Variants in RP1 observed in about 807,000 individuals in gnomAD.
RP1 encodes the protein RP1 axonemal microtubule associated.
In RP1, 16 loss-of-function variants were observed where a neutral mutation model predicts 14.8. That is an observed-to-expected ratio of 1.08 (90% CI 0.73 to 1.65). The LOEUF is 1.65. RP1 is among the 40% of genes most tolerant of loss of function. The probability of loss-of-function intolerance (pLI) is 0.00; values close to 1 mark genes in which losing one functional copy is unlikely to be tolerated. For missense variants in RP1, 2,631 were observed against 2,535.0 expected (o/e 1.04, Z -0.81); for synonymous variants, 876 against 883.6 (o/e 0.99, Z 0.15).
intron 15 of RP1, among the ~76,000 whole-genome samples, chr8:54,715,892 G>A (rs544774481): frequency 9.2e-5 from 14 of 152,278 alleles, no homozygotes; most frequent in Admixed American, 6.5e-5. Context: ...AAAGAAGAAC[G>A]TAAACAGACA....
chr8:54,663,663 G>T, intron 6 of RP1: 1 of 1,496,282 alleles, frequency 6.7e-7, no homozygotes, highest in Non-Finnish European at 8.8e-7. Context: ...TATGAGTACT[G>T]CTTGGCACTG....
At chr8:54,860,726 A>T (rs143912544) in intron 27 of RP1, among the ~76,000 whole-genome samples, 1 of 152,360 alleles carries the variant, frequency 6.6e-6, no homozygotes, top group Non-Finnish European at 1.5e-5. Context: ...AGTGAGATGC[A>T]TGGGGTGTCT....
At chr8:54,678,652 A>C in intron 9 of RP1, 1 of 716,874 alleles carries the variant, frequency 1.4e-6, no homozygotes, top group Non-Finnish European at 2.2e-6. Flanking sequence ...TTGTTGGGTA[A>C]CTTTTGTGAA....
At chr8:54,761,190 C>A (rs982351593) in intron 22 of RP1, among the ~76,000 whole-genome samples, 1 of 150,514 alleles carries the variant, frequency 6.6e-6, no homozygotes, top group Non-Finnish European at 1.5e-5. Flanking sequence ...CATGTCTACA[C>A]ATACATTTCA....
At chr8:54,810,417 T>G (rs1038489081) in intron 24 of RP1, among the ~76,000 whole-genome samples, 19 of 152,200 alleles carry the variant, frequency 1.2e-4, no homozygotes, top group African/African-American at 4.6e-4. Flanking sequence ...CCACTCTATC[T>G]TTTGCTTCTT....
At chr8:54,617,177 A>C (rs1326129311) in intron 1 of RP1, among the ~76,000 whole-genome samples, 1 of 152,218 alleles carries the variant, frequency 6.6e-6, no homozygotes, top group Non-Finnish European at 1.5e-5. Flanking sequence ...GTCACTGGTG[A>C]AGAAACTGGA....
At chr8:54,863,061 A>ATATATG (rs1010718174) in intron 27 of RP1, among the ~76,000 whole-genome samples, 1 of 142,974 alleles carries the variant, frequency 7.0e-6, no homozygotes, top group African/African-American at 2.6e-5. Context: ...ATATATATAT[A>ATATATG]TATATATATA....
chr8:54,807,229 T>C (rs1427460368), intron 24 of RP1, among the ~76,000 whole-genome samples: 1 of 152,222 alleles, frequency 6.6e-6, no homozygotes, highest in African/African-American at 2.4e-5. Context: ...TTTCATTATA[T>C]ATTGTTTGAA....
At chr8:54,857,080 T>C in exon 27 of RP1, 1 of 1,222,210 alleles carries the variant, frequency 8.2e-7, no homozygotes, top group Non-Finnish European at 1.0e-6. Flanking sequence ...AAGAAAGTTC[T>C]GATTAGTCAT....
intron 6 of RP1, among the ~76,000 whole-genome samples, chr8:54,659,902 T>C (rs190362529): frequency 1.3e-5 from 2 of 152,340 alleles, no homozygotes; most frequent in African/African-American, 4.8e-5. Flanking sequence ...CAACGTTTTG[T>C]AGTTTTCACT....
intron 8 of RP1, among the ~76,000 whole-genome samples, chr8:54,677,033 C>G (rs866472409): frequency 6.6e-6 from 1 of 150,892 alleles, no homozygotes; most frequent in South Asian, 2.1e-4. Flanking sequence ...AAGTGTGGTT[C>G]GTAGGCCATT....
In RP1 at chr8:54,741,707, GTATATATATATATATA is replaced by G. The variant is rs372225314; in HGVS notation, c.2808+2706_2808+2721del. The stretch of plus-strand genomic sequence containing the variant: ...TGTACATATAAATACAAATGTGTGT[GTATATATATATATATA>G]TATATATATATATATATATATATAT... On this transcript the variant is annotated intron_variant, in intron 19 of 22. Transcript: ENST00000636932. Among the ~76,000 whole-genome samples the G allele has an allele frequency of 7.6e-3, 441 of 58,044 alleles. 10 individuals are homozygous for G. In the Middle Eastern group the frequency reaches 0.14, roughly 18 times the overall value. The allele number at this position is 58,044 out of a possible 152,430, so 38.1% of individuals were successfully genotyped here. A position where few individuals can be genotyped will look rare whatever the true frequency, so the allele number is the denominator to read the frequency against.
At chr8:54,737,018 TTA>T (rs775499895) in intron 18 of RP1, among the ~76,000 whole-genome samples, 21 of 152,198 alleles carry the variant, frequency 1.4e-4, no homozygotes, top group Non-Finnish European at 2.4e-4. Context: ...CATTTGCCAC[TTA>T]TAAGTTTGTC....
At chr8:54,839,533 C>G (rs1167490596) in intron 25 of RP1, among the ~76,000 whole-genome samples, 1 of 152,174 alleles carries the variant, frequency 6.6e-6, no homozygotes, top group Non-Finnish European at 1.5e-5. Flanking sequence ...CCTCTTCTGG[C>G]CCCTCATCAG....
At position 54,720,128 on chromosome 8, in the gene RP1, G is replaced by A. The variant is rs997666144; in HGVS notation, c.2212-1G>A. 5.3e-6 allele frequency: 8 copies of A among 1,518,960 alleles called. No individual in the cohort carries two copies. Among genetic ancestry groups the A allele is most frequent in the Admixed American group, 2.1e-5 (1 of 47,500 alleles). 94.1% of individuals were successfully genotyped at this position (1,518,960 alleles called of 1,614,324 possible). ...ATTGAATCATTTTGTATTGATTGTA[G>A]GGTACAGGAGATGTTGACTGTCATT... On this transcript the variant is annotated splice_acceptor_variant, in intron 15 of 22. Transcript: ENST00000636932. LOFTEE classifies it high-confidence loss of function.
At chr8:54,720,050 T>C (rs1006275055) in intron 15 of RP1, 7 of 1,166,340 alleles carry the variant, frequency 6.0e-6, no homozygotes, top group Non-Finnish European at 8.1e-6. Flanking sequence ...CAAAATTATA[T>C]TCTTTTAAAA....
chr8:54,678,883 A>C (rs1450923484), intron 9 of RP1, among the ~76,000 whole-genome samples: 1 of 152,148 alleles, frequency 6.6e-6, no homozygotes, highest in Non-Finnish European at 1.5e-5. Context: ...AAATATACAC[A>C]GTGTTTCATG....
chr8:54,661,304 G>GATATATCAATGATATATATATA (rs1467195672), intron 6 of RP1, among the ~76,000 whole-genome samples: 1 of 84,452 alleles, frequency 1.2e-5, no homozygotes, highest in African/African-American at 3.5e-5. Context: ...ATATATATAT[G>GATATATCAATGATATATATATA]AGATATATAT....
In RP1 at chr8:54,624,864, G is replaced by T; in HGVS notation, c.982G>T (p.Asp328Tyr). The stretch of plus-strand genomic sequence containing the variant: ...TGAGAAATCAATTATTTTTAATCAA[G>T]ACGGCACTATGACAGTTGAGATGAA... ...DIEKSIIFNQ[D>Y]GTMTVEMKVR... Residue 328 changes from aspartate to tyrosine, a missense_variant, in exon 4 of 4, where the codon GAC becomes TAC. By Grantham distance (160) the Asp-to-Tyr change is radical. Transcript: ENST00000220676. 1 of 1,613,554 alleles carries T rather than the reference G, an allele frequency of 6.2e-7. No individual in the cohort carries two copies.
Sources: gnomAD v4.1 joint callset for allele counts (sites outside exome capture counted in the v4.1 genomes callset) on GRCh38, gnomAD v4.1.1 for gene constraint, MANE v1.5 for transcripts, NCBI Gene and HGNC (gene_info 2026-07-23, HGNC 2026-07-21) for gene names.